Variants in DACH2 observed in about 807,000 individuals in gnomAD.
DACH2 encodes the protein dachshund family transcription factor 2.
A neutral mutation model predicts 35.8 loss-of-function variants in DACH2; 17 were observed. The ratio of observed to expected loss-of-function variants is 0.48; its 90% CI spans 0.33 to 0.71. DACH2 has a LOEUF of 0.71. DACH2 is among the 30% of genes least tolerant of loss of function. The pLI, the probability that DACH2 is intolerant of heterozygous loss-of-function variation, is 0.02. For missense variants in DACH2, 469 were observed against 472.7 expected (o/e 0.99, Z 0.07); for synonymous variants, 195 against 177.3 (o/e 1.10, Z -0.79).
chrX:86,168,310 A>T (rs1218581006), intron 1 of DACH2, among the ~76,000 whole-genome samples: 2 of 111,113 alleles, frequency 1.8e-5, no homozygotes, highest in Admixed American at 1.9e-4. Context: ...CTCTTTTTAT[A>T]GATTTTGTCT....
intron 1 of DACH2, among the ~76,000 whole-genome samples, chrX:86,286,620 C>A (rs993045445): frequency 1.4e-4 from 15 of 110,328 alleles, no homozygotes; most frequent in Non-Finnish European, 1.7e-4. Context: ...TATTTTGGAC[C>A]CCTTGTATTT....
At chrX:86,683,404 T>A (rs1289116766) in intron 4 of DACH2, among the ~76,000 whole-genome samples, 1 of 111,703 alleles carries the variant, frequency 9.0e-6, no homozygotes, top group Non-Finnish European at 1.9e-5. Flanking sequence ...AGTTGTTTAG[T>A]CTCACTGCTG....
intron 2 of DACH2, among the ~76,000 whole-genome samples, chrX:86,389,571 G>A (rs986256570): frequency 6.2e-5 from 7 of 112,112 alleles, no homozygotes; most frequent in African/African-American, 1.3e-4. Flanking sequence ...AATGGCTTGC[G>A]TTTGTAATTA....
At chrX:86,183,745 G>A (rs1337106621) in intron 1 of DACH2, among the ~76,000 whole-genome samples, 1 of 111,599 alleles carries the variant, frequency 9.0e-6, no homozygotes, top group East Asian at 2.8e-4. Flanking sequence ...GTTTCAGAAG[G>A]AATGGTACCA....
intron 2 of DACH2, among the ~76,000 whole-genome samples, chrX:86,382,370 T>A (rs2036058546): frequency 2.8e-5 from 3 of 109,054 alleles, no homozygotes; most frequent in South Asian, 7.9e-4. Flanking sequence ...GAAACCAAAC[T>A]GTCTAATATT....
At chrX:86,800,167 T>G (rs1355912509) in intron 7 of DACH2, among the ~76,000 whole-genome samples, 5 of 112,597 alleles carry the variant, frequency 4.4e-5, no homozygotes, top group Admixed American at 1.9e-4. Flanking sequence ...GAAAAGTTTT[T>G]TGAAAATATT....
At chrX:86,556,914 T>C (rs1176970644) in intron 3 of DACH2, among the ~76,000 whole-genome samples, 1 of 104,829 alleles carries the variant, frequency 9.5e-6, no homozygotes, top group East Asian at 3.2e-4. Context: ...GCTAGAGAAC[T>C]AGGAAAGCCA....
At chrX:86,513,639 G>T (rs193079605) in intron 2 of DACH2, among the ~76,000 whole-genome samples, 54 of 112,252 alleles carry the variant, frequency 4.8e-4, no homozygotes, top group African/African-American at 1.7e-3. Context: ...CAATCAATCC[G>T]AGAGAAAAGA....
intron 3 of DACH2, among the ~76,000 whole-genome samples, chrX:86,554,587 A>G (rs1044908077): frequency 5.4e-5 from 6 of 112,080 alleles, no homozygotes; most frequent in African/African-American, 9.7e-5. Context: ...GCTAACTTCA[A>G]TTATAACTTG....
intron 3 of DACH2, among the ~76,000 whole-genome samples, chrX:86,579,738 T>A (rs1349101733): frequency 2.7e-5 from 3 of 112,483 alleles, no homozygotes; most frequent in Non-Finnish European, 5.6e-5. Context: ...ATATTTTGCA[T>A]AAAGTGTAAG....
chrX:86,455,127 C>A (rs1235066570), intron 2 of DACH2, among the ~76,000 whole-genome samples: 2 of 110,446 alleles, frequency 1.8e-5, no homozygotes, highest in African/African-American at 6.6e-5. Context: ...TGTGAAAGAG[C>A]AAAGATGGCA....
rs2041813476 is a variant in DACH2, at chrX:86,755,076, T to C, written c.1240+15194T>C. Among the ~76,000 whole-genome samples, 5 of 111,732 alleles carry C rather than the reference T, an allele frequency of 4.5e-5. No homozygotes were observed. In the Admixed American group the frequency reaches 4.8e-4, roughly 11 times the overall value. ...TATGAGTTCCCTTTTCTCCGCATCC[T>C]TGCCAGCATCTGTTATTTGTTATCT... On this transcript the variant is annotated intron_variant, in intron 7 of 11. Coordinates refer to ENST00000373125, the MANE Select transcript of DACH2 (RefSeq NM_053281.3).
chrX:86,568,809 A>T (rs1189423902), intron 3 of DACH2, among the ~76,000 whole-genome samples: 2 of 111,433 alleles, frequency 1.8e-5, no homozygotes, highest in African/African-American at 3.3e-5. Context: ...TTTGTTATTT[A>T]AAAAGATTGA....
intron 5 of DACH2, among the ~76,000 whole-genome samples, chrX:86,700,152 T>A (rs2041123968): frequency 9.0e-6 from 1 of 111,273 alleles, no homozygotes; most frequent in Admixed American, 9.6e-5. Context: ...TTTTTCTCAA[T>A]TTTCTGAGAT....
intron 2 of DACH2, among the ~76,000 whole-genome samples, chrX:86,475,522 C>T (rs746448678): frequency 4.5e-5 from 5 of 111,990 alleles, no homozygotes; most frequent in African/African-American, 1.6e-4. Flanking sequence ...TACTGATTTT[C>T]GCACAATGAT....
intron 3 of DACH2, among the ~76,000 whole-genome samples, chrX:86,616,463 G>T (rs1430616136): frequency 8.9e-6 from 1 of 111,803 alleles, no homozygotes. Context: ...TAGCCATTCT[G>T]ACTGGTGTAA....
intron 1 of DACH2, among the ~76,000 whole-genome samples, chrX:86,256,943 C>T (rs777934574): frequency 9.7e-4 from 108 of 111,689 alleles, no homozygotes; most frequent in African/African-American, 3.3e-3. Context: ...CCTATATTCA[C>T]ATAATCCAAA....
At chrX:86,317,482 G>A (rs756118755) in intron 1 of DACH2, among the ~76,000 whole-genome samples, 21 of 112,350 alleles carry the variant, frequency 1.9e-4, no homozygotes, top group African/African-American at 6.5e-4. Context: ...AGTTTAAAAT[G>A]TAGGCAAAAA....
intron 4 of DACH2, among the ~76,000 whole-genome samples, chrX:86,694,491 A>G (rs1025414570): frequency 8.9e-6 from 1 of 111,924 alleles, no homozygotes; most frequent in African/African-American, 3.2e-5. Flanking sequence ...ACTGGAAGCA[A>G]TGGTTTCCTA....
Sources: gnomAD v4.1 joint callset for allele counts (sites outside exome capture counted in the v4.1 genomes callset) on GRCh38, gnomAD v4.1.1 for gene constraint, MANE v1.5 for transcripts, NCBI Gene and HGNC (gene_info 2026-07-23, HGNC 2026-07-21) for gene names.